Variants in CACNA1S observed in about 807,000 individuals in gnomAD.
CACNA1S encodes the protein calcium voltage-gated channel subunit alpha1 S, also known as voltage-dependent L-type calcium channel subunit alpha-1S.
In CACNA1S, 126 loss-of-function variants were observed where a neutral mutation model predicts 207.4. The ratio of observed to expected loss-of-function variants is 0.61; its 90% confidence interval spans 0.53 to 0.70. CACNA1S has a LOEUF of 0.70. Ranked by LOEUF, CACNA1S falls within the 30% of genes least tolerant of loss-of-function variation. The pLI, the probability that CACNA1S is intolerant of heterozygous loss-of-function variation, is 0.00. For missense variants in CACNA1S, 2,349 were observed against 2,422.8 expected (o/e 0.97, Z 0.64); for synonymous variants, 960 against 932.7 (o/e 1.03, Z -0.53).
chr1:201,081,669 A>C (rs1572053718), intron 10 of CACNA1S, among the ~76,000 whole-genome samples: 2 of 152,186 alleles, frequency 1.3e-5, no homozygotes, highest in African/African-American at 4.8e-5. Context: ...CCCAAATCTC[A>C]TGTGGAAATG....
chr1:201,102,201 G>A (rs1313370182), intron 2 of CACNA1S, among the ~76,000 whole-genome samples: 2 of 152,174 alleles, frequency 1.3e-5, no homozygotes, highest in Non-Finnish European at 2.9e-5. Context: ...GGAGTCCAGT[G>A]CCTGGTGAAG....
rs967659538 is a variant in CACNA1S at position 201,066,822 on chromosome 1, C to A, written c.2657+65G>T. 3.1e-6 allele frequency: 4 copies of A among 1,272,858 alleles called. No homozygotes were observed. In the African/African-American group the frequency reaches 5.9e-5, roughly 19 times the overall value. 78.8% of individuals were successfully genotyped at this position (1,272,858 alleles called of 1,614,324 possible). ...CCCACCAACATGGGTGGGACTCCCA[C>A]TACAAAGCCCTGGCACAGAGCAGAG... On this transcript the variant is annotated intron_variant, in intron 20 of 43. Coordinates refer to ENST00000362061, the MANE Select transcript of CACNA1S (RefSeq NM_000069.3). The surrounding 1 kb of genome is among the most constrained non-coding windows in gnomAD (Gnocchi z 4.3).
intron 40 of CACNA1S, chr1:201,042,032 G>A: frequency 3.6e-6 from 1 of 276,268 alleles, no homozygotes; most frequent in Non-Finnish European, 7.1e-6. Flanking sequence ...AGCCAAGGCT[G>A]AGAACCATTC....
chr1:201,090,836 A>T (rs1465862900), intron 5 of CACNA1S, among the ~76,000 whole-genome samples: 6 of 152,234 alleles, frequency 3.9e-5, no homozygotes, highest in Admixed American at 3.9e-4. Flanking sequence ...CAAGCCAGGC[A>T]GTGAAGAGAT....
intron 2 of CACNA1S, among the ~76,000 whole-genome samples, chr1:201,107,678 G>A (rs772526202): frequency 2.6e-5 from 4 of 152,216 alleles, no homozygotes; most frequent in Non-Finnish European, 4.4e-5. Flanking sequence ...CTACAAAGCA[G>A]CCAATAGGGC....
At chr1:201,074,992 G>A (rs1486457627) in intron 13 of CACNA1S, among the ~76,000 whole-genome samples, 2 of 152,096 alleles carry the variant, frequency 1.3e-5, no homozygotes, top group Admixed American at 1.3e-4. Flanking sequence ...CAAGGTGCAG[G>A]CACCAGGACG....
intron 2 of CACNA1S, among the ~76,000 whole-genome samples, chr1:201,099,928 G>A (rs78073677): frequency 0.012 from 1,811 of 152,204 alleles, 50 homozygotes; most frequent in African/African-American, 0.042. Context: ...ACAGTTTGAA[G>A]GTGTGGCAGG....
intron 2 of CACNA1S, among the ~76,000 whole-genome samples, chr1:201,107,176 TA>T (rs1297796465): frequency 6.6e-6 from 1 of 152,222 alleles, no homozygotes; most frequent in African/African-American, 2.4e-5. Context: ...AAGATAAAAT[TA>T]ATTAAAATCT....
intron 10 of CACNA1S, among the ~76,000 whole-genome samples, chr1:201,079,707 C>T (rs1661772923): frequency 6.6e-6 from 1 of 152,146 alleles, no homozygotes; most frequent in South Asian, 2.1e-4. Flanking sequence ...GGTGTTGCCC[C>T]AAACATTGAA....
At chr1:201,096,805 C>T (rs941407563) in intron 2 of CACNA1S, among the ~76,000 whole-genome samples, 2 of 152,188 alleles carry the variant, frequency 1.3e-5, no homozygotes, top group East Asian at 1.9e-4. Flanking sequence ...TTATGAGACA[C>T]GTGGGCCCTT....
intron 17 of CACNA1S, among the ~76,000 whole-genome samples, chr1:201,070,069 A>C (rs927453770): frequency 6.6e-6 from 1 of 152,210 alleles, no homozygotes; most frequent in Non-Finnish European, 1.5e-5. Flanking sequence ...GGTCCCTCTT[A>C]GGTGTAAATA....
At position 201,039,710 on chromosome 1, in the gene CACNA1S, T is replaced by C. The variant is rs916011704; in HGVS notation, c.*121A>G. 1.2e-5 allele frequency: 16 copies of C among 1,368,878 alleles called. No homozygotes were observed. In the Admixed American group the frequency reaches 1.2e-4, roughly 10 times the overall value. 84.8% of individuals were successfully genotyped at this position (1,368,878 alleles called of 1,614,324 possible). A position where few individuals can be genotyped will look rare whatever the true frequency, so the allele number is the denominator to read the frequency against. ...TTCCTGACCACCCTGCCTCAGGCCA[T>C]GCATCTAGCTGCTGAGAGGGAGGGA... On this transcript the variant is annotated 3_prime_UTR_variant, in exon 44 of 44. Transcript: ENST00000362061.
rs1476570912 is a variant in CACNA1S, at chr1:201,093,868, C to T, written c.398+14G>A. 2 of 1,613,898 alleles carry T rather than the reference C, an allele frequency of 1.2e-6. No homozygotes were observed. Among genetic ancestry groups the T allele is most frequent in the South Asian group, 1.1e-5 (1 of 91,060 alleles). Reference sequence around the variant, plus strand: ...GAGGGTCTGACCTTCAGTCTCCCCACACCCAGCTCTCACCCCAGGAAGACA... The same window carrying T: ...GAGGGTCTGACCTTCAGTCTCCCCATACCCAGCTCTCACCCCAGGAAGACA... On this transcript the variant is annotated intron_variant, in intron 3 of 43. Transcript: ENST00000362061.
intron 1 of CACNA1S, 120 bp from the exon 2 acceptor site, chr1:201,110,389 A>G: frequency 1.2e-6 from 1 of 863,166 alleles, no homozygotes; most frequent in African/African-American, 1.7e-5. Context: ...GGACAGGCTC[A>G]TGGACGCTCG....
intron 13 of CACNA1S, among the ~76,000 whole-genome samples, chr1:201,075,250 G>A (rs575182506): frequency 6.6e-6 from 1 of 152,280 alleles, no homozygotes; most frequent in Admixed American, 6.5e-5. Flanking sequence ...ACCTTACTGG[G>A]CTTTTAATTC....
intron 2 of CACNA1S, among the ~76,000 whole-genome samples, chr1:201,109,886 T>C (rs1663032545): frequency 6.6e-6 from 1 of 152,196 alleles, no homozygotes; most frequent in African/African-American, 2.4e-5. Context: ...TTGTGAGGAT[T>C]AAATGAATTT....
rs1661377046 is a variant in CACNA1S at position 201,069,541 on chromosome 1, G to A, written c.2421C>T (p.Leu807=). Residue 807 remains leucine, a synonymous_variant, in exon 18 of 44, where the codon CTC becomes CTT. Transcript: ENST00000362061. The part of the protein sequence containing the change: ...NATWFTNFIL[L]FILLSSAALA... ...GTGCAGCGCTGCTGAGCAGGATGAA[G>A]AGCAGGATGAAGTTGGTAAACCAGG... 6.3e-7 allele frequency: 1 copy of A among 1,582,994 alleles called. No individual in the cohort carries two copies. Among genetic ancestry groups the A allele is most frequent in the Non-Finnish European group, 8.6e-7 (1 of 1,165,536 alleles).
intron 8 of CACNA1S, 105 bp from the exon 9 acceptor site, chr1:201,085,136 C>A: frequency 1.2e-6 from 1 of 841,258 alleles, no homozygotes; most frequent in Non-Finnish European, 2.0e-6. Flanking sequence ...GAGACATCTG[C>A]AACAATGGGT....
chr1:201,040,240 C>T lies in CACNA1S; in HGVS notation c.5361G>A (p.Leu1787=), dbSNP rs1364103316. 10 of 1,613,438 alleles carry T rather than the reference C, an allele frequency of 6.2e-6. No homozygotes were observed. Among genetic ancestry groups the T allele is most frequent in the Admixed American group, 1.7e-5 (1 of 60,010 alleles). The change falls in exon 43 of 44, where the codon CTG becomes CTA. Residue 1787 remains leucine (L), a synonymous_variant. Transcript: ENST00000362061. ...CCAGCCCCTGGCTCACCTTTTGGATCAGCAGGGCTGTAGCTGGTGCTGAGC... is the reference window on the plus strand; with the variant it reads ...CCAGCCCCTGGCTCACCTTTTGGATTAGCAGGGCTGTAGCTGGTGCTGAGC... ...SRCSAPATAL[L]IQKALVRGGL...
Sources: allele counts gnomAD v4.1 joint callset (sites outside exome capture counted in the v4.1 genomes callset), GRCh38; gene constraint gnomAD v4.1.1; non-coding constraint Gnocchi (gnomAD v3.1); transcripts MANE v1.5; gene names NCBI Gene and HGNC (gene_info 2026-07-23, HGNC 2026-07-21).